KAT14: variants seen among roughly 807,000 people sequenced by gnomAD.
The protein encoded by KAT14 is lysine acetyltransferase 14.
KAT14 carries 66 observed loss-of-function variants against 78.4 expected under a neutral mutation model. The ratio of observed to expected loss-of-function variants is 0.84; its 90% CI spans 0.69 to 1.03. The LOEUF (loss-of-function observed/expected upper bound fraction) is 1.03, where lower values mean the gene tolerates loss of function less well. KAT14 is among the 50% of genes least tolerant of loss of function. The pLI, the probability that KAT14 is intolerant of heterozygous loss-of-function variation, is 0.00. For missense variants in KAT14, 870 were observed against 972.5 expected (o/e 0.89, Z 1.40); for synonymous variants, 344 against 359.4 (o/e 0.96, Z 0.48).
intron 7 of KAT14, among the ~76,000 whole-genome samples, chr20:18,166,544 C>T (rs2038647912): frequency 6.6e-6 from 1 of 152,176 alleles, no homozygotes; most frequent in South Asian, 2.1e-4. Flanking sequence ...TTATTTCTAA[C>T]ACTTATGATT....
Position 18,137,982 on chromosome 20 carries a change from G to A in KAT14, c.-523G>A. On this transcript the variant is annotated 5_prime_UTR_variant, in exon 1 of 11. Coordinates refer to ENST00000688188, the MANE Select transcript of KAT14 (RefSeq NM_001392073.1). The stretch of plus-strand genomic sequence containing the variant: ...TGTCTAGGAGCTCGAAGGTGGTGCT[G>A]GGCCTCTCGGTGCTGCTGACGGCGG... The A allele has an allele frequency of 6.6e-7, 1 of 1,506,534 alleles. No homozygotes were observed. The highest frequency in any genetic ancestry group is 8.8e-7 in the Non-Finnish European group (1 of 1,134,488). The allele number at this position is 1,506,534 out of a possible 1,614,324, so 93.3% of individuals were successfully genotyped here. A position where few individuals can be genotyped will look rare whatever the true frequency, so the allele number is the denominator to read the frequency against.
At chr20:18,139,633 CGT>C (rs71194228) in intron 1 of KAT14, among the ~76,000 whole-genome samples, 11,414 of 141,448 alleles carry the variant, frequency 0.081, 506 homozygotes, top group African/African-American at 0.12. Flanking sequence ...ACCAAAATAA[CGT>C]GTGTGTGTGT....
intron 2 of KAT14, among the ~76,000 whole-genome samples, chr20:18,144,577 C>A (rs1425812299): frequency 6.6e-6 from 1 of 152,162 alleles, no homozygotes; most frequent in Non-Finnish European, 1.5e-5. Flanking sequence ...CTTTTATTTA[C>A]CCTCACACTG....
chr20:18,183,180 C>T lies in KAT14; in HGVS notation c.1863C>T (p.His621=). 1 of 1,614,062 alleles carries T rather than the reference C, an allele frequency of 6.2e-7. No homozygotes were observed. ...KLQLLSQIRS[H]LHRSDPHWTP... is the part of the protein sequence containing the mutation. ...AGCTCCTGTCACAGATTCGTTCCCACCTGCACAGGAGCGACCCTCACTGGA... is the reference window on the plus strand; with the variant it reads ...AGCTCCTGTCACAGATTCGTTCCCATCTGCACAGGAGCGACCCTCACTGGA... Residue 621 remains histidine (H), a synonymous_variant, in exon 9 of 11, where the codon CAC becomes CAT. Coordinates refer to ENST00000688188, the MANE Select transcript of KAT14 (RefSeq NM_001392073.1).
chr20:18,187,722 C>G lies in KAT14; in HGVS notation c.*263C>G. 1 of 454,680 alleles carries G rather than the reference C, an allele frequency of 2.2e-6. No individual in the cohort carries two copies. Among genetic ancestry groups the G allele is most frequent in the Non-Finnish European group, 3.9e-6 (1 of 258,100 alleles). 28.2% of individuals were successfully genotyped at this position (454,680 alleles called of 1,614,324 possible). A position where few individuals can be genotyped will look rare whatever the true frequency, so the allele number is the denominator to read the frequency against. ...GTTATTTATGAATGATGTCGTGATT[C>G]TCCCTCCACCTGACAGTTTGTAAGA... On this transcript the variant is annotated 3_prime_UTR_variant, in exon 11 of 11. Coordinates refer to ENST00000688188, the MANE Select transcript of KAT14 (RefSeq NM_001392073.1).
intron 5 of KAT14, among the ~76,000 whole-genome samples, chr20:18,160,194 C>G (rs1454466543): frequency 6.6e-6 from 1 of 152,168 alleles, no homozygotes; most frequent in Non-Finnish European, 1.5e-5. Context: ...GCCACCGGAT[C>G]AGGCTGATGA....
At chr20:18,147,833 A>T (rs1306247538) in intron 3 of KAT14, among the ~76,000 whole-genome samples, 1 of 152,058 alleles carries the variant, frequency 6.6e-6, no homozygotes, top group Non-Finnish European at 1.5e-5. Context: ...TGATCCACCC[A>T]CCTCGGCATC....
rs1235925735 is a variant in KAT14, at chr20:18,167,809, T to C, written c.1668+4864T>C. On this transcript the variant is annotated intron_variant, in intron 7 of 10. Transcript: ENST00000688188. ...ACCATAAAGAAAGTTATACATTCTA[T>C]TTTTATTCTTTTTATAGGTCCTAAC... Among the ~76,000 whole-genome samples the C allele has an allele frequency of 2.0e-5, 3 of 152,192 alleles. No individual in the cohort carries two copies. In the East Asian group the frequency reaches 5.8e-4, roughly 29 times the overall value.
At chr20:18,139,959 A>C (rs550690346) in intron 1 of KAT14, among the ~76,000 whole-genome samples, 1 of 152,184 alleles carries the variant, frequency 6.6e-6, no homozygotes, top group Non-Finnish European at 1.5e-5. Flanking sequence ...AAGAATAAAG[A>C]GGTCTTTAGT....
intron 7 of KAT14, among the ~76,000 whole-genome samples, chr20:18,168,393 T>G (rs1600231295): frequency 6.6e-6 from 1 of 152,272 alleles, no homozygotes; most frequent in East Asian, 1.9e-4. Context: ...CCAGGCCTGG[T>G]GGCGCATGCC....
At chr20:18,184,570 GGT>G (rs763333830) in intron 9 of KAT14, 30 bp from the exon 10 acceptor site, 1 of 1,582,092 alleles carries the variant, frequency 6.3e-7, no homozygotes, top group South Asian at 1.2e-5. Context: ...AAAGGCATGT[GGT>G]TTGAGTCTCC....
intron 7 of KAT14, 84 bp downstream of exon 7, chr20:18,163,029 C>A: frequency 6.8e-7 from 1 of 1,468,426 alleles, no homozygotes; most frequent in Non-Finnish European, 9.1e-7. Context: ...CATGGTTATG[C>A]TGTGACCTTT....
At chr20:18,159,797 G>T (rs2038352883) in intron 5 of KAT14, among the ~76,000 whole-genome samples, 1 of 152,132 alleles carries the variant, frequency 6.6e-6, no homozygotes, top group South Asian at 2.1e-4. Flanking sequence ...TGACCATAAT[G>T]CCATTTTCAT....
chr20:18,142,406 G>A lies in KAT14; in HGVS notation c.-255G>A. 6.6e-7 allele frequency: 1 copy of A among 1,515,188 alleles called. No homozygotes were observed. The highest frequency in any genetic ancestry group is 8.8e-7 in the Non-Finnish European group (1 of 1,134,614). 93.9% of individuals were successfully genotyped at this position (1,515,188 alleles called of 1,614,324 possible). On this transcript the variant is annotated 5_prime_UTR_variant, in exon 2 of 11. In the 5' UTR this introduces an upstream ATG that the reference lacks. Coordinates refer to ENST00000688188, the MANE Select transcript of KAT14 (RefSeq NM_001392073.1). ...ACAGACAACACGAGTTTGTGTGTGTGTGTTGATGGAGAGTAGCTTAGTAGT... is the reference window on the plus strand; with the variant it reads ...ACAGACAACACGAGTTTGTGTGTGTATGTTGATGGAGAGTAGCTTAGTAGT...
intron 3 of KAT14, among the ~76,000 whole-genome samples, chr20:18,149,156 G>A (rs1000778846): frequency 5.3e-5 from 8 of 152,116 alleles, no homozygotes; most frequent in Admixed American, 1.3e-4. Context: ...GGCAAAGCTC[G>A]TTCTATGATT....
At chr20:18,148,651 C>A (rs949589184) in intron 3 of KAT14, among the ~76,000 whole-genome samples, 1 of 151,354 alleles carries the variant, frequency 6.6e-6, no homozygotes, top group Non-Finnish European at 1.5e-5. Context: ...CTCTTGTTGC[C>A]CAGGCTGGAG....
At chr20:18,158,868 T>A (rs1218399887) in intron 4 of KAT14, among the ~76,000 whole-genome samples, 1 of 152,154 alleles carries the variant, frequency 6.6e-6, no homozygotes, top group African/African-American at 2.4e-5. Flanking sequence ...TTATCCTGAT[T>A]TTACAGATGA....
At chr20:18,186,411 T>C (rs1456991371) in intron 10 of KAT14, among the ~76,000 whole-genome samples, 2 of 152,204 alleles carry the variant, frequency 1.3e-5, no homozygotes, top group Non-Finnish European at 2.9e-5. Context: ...GTAAGTGCTC[T>C]CTTGTCCTAA....
chr20:18,140,564 C>A (rs2037495332), intron 1 of KAT14, among the ~76,000 whole-genome samples: 1 of 151,966 alleles, frequency 6.6e-6, no homozygotes, highest in Admixed American at 6.6e-5. Context: ...AATCCCAGCA[C>A]TTTGGGAGGC....
Sources: gnomAD v4.1 joint callset for allele counts (sites outside exome capture counted in the v4.1 genomes callset) on GRCh38, gnomAD v4.1.1 for gene constraint, MANE v1.5 for transcripts, NCBI Gene and HGNC (gene_info 2026-07-23, HGNC 2026-07-21) for gene names.